Variants in OVCH1 observed in about 807,000 individuals in gnomAD.
The protein encoded by OVCH1 is ovochymase 1.
In OVCH1, 139 loss-of-function variants were observed where a neutral mutation model predicts 138.4. The ratio of observed to expected loss-of-function variants is 1.00; its 90% CI spans 0.87 to 1.16. OVCH1 has a LOEUF of 1.16. Ranked by LOEUF, OVCH1 falls within the 50% of genes most tolerant of loss-of-function variation. The pLI, the probability that OVCH1 is intolerant of heterozygous loss-of-function variation, is 0.00. For synonymous variants in OVCH1, 453 were observed against 467.8 expected (o/e 0.97, Z 0.41); for missense variants, 1,367 against 1,357.9 (o/e 1.01, Z -0.11).
At chr12:29,444,373 C>T in intron 23 of OVCH1, 93 bp from the exon 24 acceptor site, 1 of 1,281,620 alleles carries the variant, frequency 7.8e-7, no homozygotes, top group East Asian at 2.5e-5. Context: ...CAGCTCTCTT[C>T]CCTAATTGTC....
chr12:29,439,547 CT>C, intron 25 of OVCH1: 1 of 1,275,950 alleles, frequency 7.8e-7, no homozygotes, highest in Non-Finnish European at 1.0e-6. Flanking sequence ...TCTACTACAA[CT>C]ACTGCTACTC....
chr12:29,471,886 C>T lies in OVCH1; in HGVS notation c.1772G>A (p.Gly591Asp), dbSNP rs373945135. The change falls in exon 16 of 28, where the codon GGT (glycine) becomes GAT (aspartate). Residue 591 changes from glycine to aspartate, a missense_variant. By Grantham distance (94) the Gly-to-Asp change is moderately conservative (BLOSUM62 -1). Coordinates refer to ENST00000318184, the Ensembl canonical transcript of OVCH1. The stretch of plus-strand genomic sequence containing the variant: ...TTGGTAATCGCCTAGAAACCTCAGA[C>T]CCACCTGCCATGGCCAACAGTGGGG... 1.5e-5 allele frequency: 24 copies of T among 1,613,468 alleles called. No homozygotes were observed. The African/African-American group carries it at 3.2e-4, about 22-fold the overall frequency.
At chr12:29,494,814 G>T (rs937138220) in intron 4 of OVCH1, among the ~76,000 whole-genome samples, 2 of 152,104 alleles carry the variant, frequency 1.3e-5, no homozygotes, top group Non-Finnish European at 2.9e-5. Context: ...GGCAGGAAAG[G>T]GTAGGGAGGA....
At chr12:29,424,334 C>T (rs921260745), downstream of OVCH1, among the ~76,000 whole-genome samples, 2 of 152,166 alleles carry the variant, frequency 1.3e-5, no homozygotes, top group African/African-American at 4.8e-5. Flanking sequence ...GCCAGGTGTT[C>T]CTTGCCCTCA....
chr12:29,410,819 G>A (rs1306387962), downstream of OVCH1, among the ~76,000 whole-genome samples: 1 of 150,890 alleles, frequency 6.6e-6, no homozygotes, highest in African/African-American at 2.4e-5. Flanking sequence ...GAGTATCTTT[G>A]TGGTGTTCTC....
At chr12:29,475,709 A>G (rs1338689623) in intron 13 of OVCH1, among the ~76,000 whole-genome samples, 7 of 152,192 alleles carry the variant, frequency 4.6e-5, no homozygotes, top group African/African-American at 1.7e-4. Context: ...TGAGGGACAG[A>G]TACTAGGTCC....
intron 27 of OVCH1, among the ~76,000 whole-genome samples, chr12:29,430,001 CTG>C (rs148176626): frequency 0.043 from 6,583 of 152,272 alleles, 443 homozygotes; most frequent in African/African-American, 0.14. Flanking sequence ...AAATCACAAA[CTG>C]TAAATCCATT....
chr12:29,473,535 C>T (rs1942588535), intron 14 of OVCH1, among the ~76,000 whole-genome samples: 1 of 151,996 alleles, frequency 6.6e-6, no homozygotes. Context: ...TTAGATATCC[C>T]CACTTGGATT....
chr12:29,433,276 G>A (rs1459089853), intron 27 of OVCH1, among the ~76,000 whole-genome samples: 2 of 152,078 alleles, frequency 1.3e-5, no homozygotes, highest in African/African-American at 4.8e-5. Flanking sequence ...CATGGGGGTG[G>A]GCTTTTCCCA....
Position 29,444,290 on chromosome 12 carries a change from C to A in OVCH1, c.2882-10G>T. On this transcript the variant is annotated splice_polypyrimidine_tract_variant and intron_variant, in intron 23 of 27. Coordinates refer to ENST00000318184, the Ensembl canonical transcript of OVCH1. ...TTACTGTCCTTTGGACCTAAAAGAA[C>A]AGGAAGCAGAGAAAATGAGAATAAA... is the stretch of plus-strand genomic sequence containing the variant. The A allele has an allele frequency of 1.2e-6, 2 of 1,608,458 alleles. No individual in the cohort carries two copies. The highest frequency in any genetic ancestry group is 1.7e-6 in the Non-Finnish European group (2 of 1,177,278).
At chr12:29,453,586 T>C (rs1285603534) in intron 21 of OVCH1, among the ~76,000 whole-genome samples, 2 of 152,150 alleles carry the variant, frequency 1.3e-5, no homozygotes, top group African/African-American at 2.4e-5. Flanking sequence ...CCCTTAATAC[T>C]CCTTCCACCT....
downstream of OVCH1, among the ~76,000 whole-genome samples, chr12:29,409,651 G>T (rs1318876083): frequency 6.6e-6 from 1 of 152,166 alleles, no homozygotes; most frequent in Non-Finnish European, 1.5e-5. Context: ...GTTCTAGTTT[G>T]ATTGCACTGT....
At chr12:29,464,030 C>A (rs1390209070) in intron 18 of OVCH1, among the ~76,000 whole-genome samples, 1 of 152,020 alleles carries the variant, frequency 6.6e-6, no homozygotes, top group Non-Finnish European at 1.5e-5. Flanking sequence ...CAAACACGGG[C>A]ACAAGCCATT....
At chr12:29,472,285 T>C (rs1942539637) in intron 15 of OVCH1, among the ~76,000 whole-genome samples, 1 of 152,188 alleles carries the variant, frequency 6.6e-6, no homozygotes, top group South Asian at 2.1e-4. Context: ...ATTGGTGGAA[T>C]AGAATAGATG....
At chr12:29,434,059 C>T (rs1343065268) in intron 26 of OVCH1, among the ~76,000 whole-genome samples, 1 of 151,984 alleles carries the variant, frequency 6.6e-6, no homozygotes, top group African/African-American at 2.4e-5. Context: ...CAATAGTTAC[C>T]CGTTTTCATA....
chr12:29,455,311 C>T lies in OVCH1; in HGVS notation c.2375G>A (p.Trp792Ter). Residue 792 changes from tryptophan to a stop codon, truncating the protein, a stop_gained, in exon 20 of 28, where the codon TGG (tryptophan) becomes TAG (stop). Transcript: ENST00000318184. LOFTEE classifies it high-confidence loss of function. ...CACTCTGGCAAATACACCCGGCTTC[C>T]ATGGCTGGACACAGCCAGCTCCCCA... The T allele has an allele frequency of 6.2e-7, 1 of 1,613,880 alleles. No individual in the cohort carries two copies. Among genetic ancestry groups the T allele is most frequent in the Non-Finnish European group, 8.5e-7 (1 of 1,179,808 alleles).
chr12:29,486,122 G>C (rs939007671), intron 8 of OVCH1, 128 bp downstream of exon 8: 104 of 896,114 alleles, frequency 1.2e-4, no homozygotes, highest in Non-Finnish European at 2.6e-5. Flanking sequence ...TATGAGCAGG[G>C]CTTTTAAAGT....
At chr12:29,407,286 G>T in the OVCH1 span, among the ~76,000 whole-genome samples, 2 of 129,872 alleles carry the variant, frequency 1.5e-5, no homozygotes, top group Non-Finnish European at 3.6e-5. Flanking sequence ...AGTTTCTTTC[G>T]CTGTGCAGAA....
downstream of OVCH1, chr12:29,427,473 G>A: frequency 6.7e-7 from 1 of 1,501,458 alleles, no homozygotes; most frequent in Non-Finnish European, 9.0e-7. Context: ...CTCAGGTAAG[G>A]TAGCATTTGA....
Sources: gnomAD v4.1 joint callset for allele counts (sites outside exome capture counted in the v4.1 genomes callset) on GRCh38, gnomAD v4.1.1 for gene constraint, MANE v1.5 for transcripts, NCBI Gene and HGNC (gene_info 2026-07-23, HGNC 2026-07-21) for gene names.